Variants in CNTNAP5 observed in about 807,000 individuals in gnomAD.
The protein encoded by CNTNAP5 is contactin-associated protein-like 5.
In CNTNAP5, 72 loss-of-function variants were observed where a neutral mutation model predicts 150.2. The ratio of observed to expected loss-of-function variants is 0.48; its 90% CI spans 0.40 to 0.58. The LOEUF (loss-of-function observed/expected upper bound fraction) is 0.58, where lower values mean the gene tolerates loss of function less well. Among genes scored for constraint, CNTNAP5 ranks in the 20% least tolerant of loss-of-function variants. The probability of loss-of-function intolerance (pLI) is 0.00; values close to 1 mark genes in which losing one functional copy is unlikely to be tolerated. For synonymous variants in CNTNAP5, 672 were observed against 619.8 expected, an observed-to-expected ratio of 1.08 and a Z score of -1.25; for missense variants, 1,636 against 1,626.2, an observed-to-expected ratio of 1.01 and a Z score of -0.10.
At position 124,747,534 on chromosome 2, in the gene CNTNAP5, G is replaced by A. The variant is rs1331632027; in HGVS notation, c.2234+149G>A. On this transcript the variant is annotated intron_variant, in intron 14 of 23. Coordinates refer to ENST00000682447, the MANE Select transcript of CNTNAP5 (RefSeq NM_001367498.1). ...CTTTTGTTTTTTAACCTTAAAAATG[G>A]TAAATTCTAGTGTTTTCAGTATGAC... The A allele has an allele frequency of 7.1e-6, 6 of 841,280 alleles. No homozygotes were observed. In the East Asian group the frequency reaches 1.6e-4, roughly 22 times the overall value. The allele number at this position is 841,280 out of a possible 1,614,324, so 52.1% of individuals were successfully genotyped here. A position where few individuals can be genotyped will look rare whatever the true frequency, so the allele number is the denominator to read the frequency against.
chr2:124,688,246 T>C (rs756274654), intron 13 of CNTNAP5, among the ~76,000 whole-genome samples: 1 of 152,064 alleles, frequency 6.6e-6, no homozygotes, highest in Non-Finnish European at 1.5e-5. Context: ...GGCAATAATA[T>C]CTTTGGAAAT....
At chr2:124,231,805 T>A (rs1316254901) in intron 2 of CNTNAP5, among the ~76,000 whole-genome samples, 2 of 152,140 alleles carry the variant, frequency 1.3e-5, no homozygotes, top group African/African-American at 4.8e-5. Flanking sequence ...TGGGACCCTG[T>A]CTCAAATTGA....
intron 3 of CNTNAP5, among the ~76,000 whole-genome samples, chr2:124,249,464 A>G (rs1371318493): frequency 6.6e-6 from 1 of 152,174 alleles, no homozygotes; most frequent in Non-Finnish European, 1.5e-5. Context: ...TGGTCTCCAC[A>G]ATCCTTTAGC....
At chr2:124,193,096 C>A (rs1685497598) in intron 1 of CNTNAP5, among the ~76,000 whole-genome samples, 1 of 152,172 alleles carries the variant, frequency 6.6e-6, no homozygotes, top group Admixed American at 6.5e-5. Flanking sequence ...ACATAACATT[C>A]TTCCTGTGTG....
intron 1 of CNTNAP5, among the ~76,000 whole-genome samples, chr2:124,100,699 CTACAAAAA>C (rs57083398): frequency 0.24 from 35,778 of 151,446 alleles, 4,204 homozygotes; most frequent in South Asian, 0.29. Flanking sequence ...AGCCTCGTCT[CTACAAAAA>C]TACAAAAATT....
intron 3 of CNTNAP5, among the ~76,000 whole-genome samples, chr2:124,291,675 A>ACTT (rs1382316546): frequency 6.6e-6 from 1 of 152,122 alleles, no homozygotes; most frequent in Non-Finnish European, 1.5e-5. Flanking sequence ...ACCTCTTAGA[A>ACTT]CTTCTGTTTT....
At chr2:124,461,800 G>A (rs1392213041) in intron 6 of CNTNAP5, among the ~76,000 whole-genome samples, 1 of 150,784 alleles carries the variant, frequency 6.6e-6, no homozygotes, top group African/African-American at 2.4e-5. Context: ...GGTGGAGGTT[G>A]CAGTGAGCCA....
In CNTNAP5 at chr2:124,556,764, G is replaced by T. The variant is rs142688512; in HGVS notation, c.1650-6453G>T. Among the ~76,000 whole-genome samples, 380 of 152,120 alleles carry T rather than the reference G, an allele frequency of 2.5e-3. 4 individuals are homozygous for T. Among genetic ancestry groups the T allele is most frequent in the African/African-American group, 8.5e-3 (354 of 41,484 alleles). ...GAGAAGGAGAGCATCTTCAAGTTTC[G>T]GGACCTAGATACTGGTAAGAAGGGT... On this transcript the variant is annotated intron_variant, in intron 10 of 23. Transcript: ENST00000682447.
intron 3 of CNTNAP5, among the ~76,000 whole-genome samples, chr2:124,411,315 A>G (rs1691756552): frequency 6.6e-6 from 1 of 152,148 alleles, no homozygotes; most frequent in African/African-American, 2.4e-5. Flanking sequence ...AGGAACTGGT[A>G]CCATTCCTTC....
At chr2:124,387,665 G>A (rs1269677395) in intron 3 of CNTNAP5, among the ~76,000 whole-genome samples, 1 of 152,158 alleles carries the variant, frequency 6.6e-6, no homozygotes, top group Non-Finnish European at 1.5e-5. Context: ...ACATTGATCA[G>A]TTAGGGTGGG....
At chr2:124,072,240 A>G (rs1682323202) in intron 1 of CNTNAP5, among the ~76,000 whole-genome samples, 1 of 151,916 alleles carries the variant, frequency 6.6e-6, no homozygotes. Context: ...AATAAATGCC[A>G]TGTATGACAG....
rs5834048 is a variant in CNTNAP5, at chr2:124,211,523, A to AC, written c.83-10182_83-10181insC. On this transcript the variant is annotated intron_variant, in intron 1 of 23. Coordinates refer to ENST00000682447, the MANE Select transcript of CNTNAP5 (RefSeq NM_001367498.1). The stretch of plus-strand genomic sequence containing the variant: ...TACTACAGTCTCCAACACACACACA[A>AC]ACACACACACACACACACACATAAG... Among the ~76,000 whole-genome samples, 649 of 149,886 alleles carry AC rather than the reference A, an allele frequency of 4.3e-3. 3 individuals are homozygous for AC. The highest frequency in any genetic ancestry group is 7.9e-3 in the Non-Finnish European group (528 of 67,242).
chr2:124,607,415 T>C (rs1677264854), intron 11 of CNTNAP5, among the ~76,000 whole-genome samples: 1 of 152,170 alleles, frequency 6.6e-6, no homozygotes, highest in East Asian at 1.9e-4. Flanking sequence ...GTGAGTGACC[T>C]AGAACACCCA....
At chr2:124,123,046 GT>G (rs1683604128) in intron 1 of CNTNAP5, among the ~76,000 whole-genome samples, 1 of 152,046 alleles carries the variant, frequency 6.6e-6, no homozygotes, top group South Asian at 2.1e-4. Context: ...GAGGTACCGG[GT>G]TCATCTCACT....
intron 13 of CNTNAP5, among the ~76,000 whole-genome samples, chr2:124,682,450 G>T (rs900709763): frequency 6.6e-6 from 1 of 152,144 alleles, no homozygotes; most frequent in Admixed American, 6.6e-5. Context: ...AGTGTTGACT[G>T]TGCTCTAATA....
At chr2:124,177,733 T>C (rs1685103576) in intron 1 of CNTNAP5, among the ~76,000 whole-genome samples, 1 of 152,160 alleles carries the variant, frequency 6.6e-6, no homozygotes, top group African/African-American at 2.4e-5. Context: ...CAAGGAGATA[T>C]TTGGGGTAAA....
At chr2:124,825,575 C>T (rs550875522) in intron 19 of CNTNAP5, among the ~76,000 whole-genome samples, 1 of 152,232 alleles carries the variant, frequency 6.6e-6, no homozygotes, top group East Asian at 1.9e-4. Flanking sequence ...TGAATGCATC[C>T]TAATGGCACT....
chr2:124,488,850 TA>T (rs970943808), intron 7 of CNTNAP5, among the ~76,000 whole-genome samples: 37 of 152,304 alleles, frequency 2.4e-4, no homozygotes, highest in African/African-American at 8.9e-4. Context: ...CATATACACT[TA>T]AGAGATCTGT....
chr2:124,200,461 T>A (rs1410664323), intron 1 of CNTNAP5, among the ~76,000 whole-genome samples: 1 of 152,186 alleles, frequency 6.6e-6, no homozygotes, highest in Non-Finnish European at 1.5e-5. Flanking sequence ...CTCAATAACT[T>A]AAATTCCTCT....
Sources: gnomAD v4.1 joint callset for allele counts (sites outside exome capture counted in the v4.1 genomes callset) on GRCh38, gnomAD v4.1.1 for gene constraint, MANE v1.5 for transcripts, NCBI Gene and HGNC (gene_info 2026-07-23, HGNC 2026-07-21) for gene names.